The following RBFOX1 variants were observed in gnomAD, a reference collection of about 807,000 sequenced individuals.
RBFOX1 encodes RNA binding protein fox-1 homolog 1.
RBFOX1 carries 8 observed loss-of-function variants against 57.7 expected under a neutral mutation model. The observed-to-expected ratio is 0.14, with a 90% confidence interval of 0.08 to 0.25. The LOEUF (loss-of-function observed/expected upper bound fraction) is 0.25. Among genes scored for constraint, RBFOX1 ranks in the 10% least tolerant of loss-of-function variants. The probability of loss-of-function intolerance (pLI) is 1.00; values close to 1 mark genes in which losing one functional copy is unlikely to be tolerated. For missense variants in RBFOX1, 611 were observed against 548.5 expected, an observed-to-expected ratio of 1.11 and a Z score of -1.14; for synonymous variants, 326 against 222.4, an observed-to-expected ratio of 1.47 and a Z score of -4.15.
chr16:7,428,780 G>A (rs888342186), intron 4 of RBFOX1, among the ~76,000 whole-genome samples: 2 of 151,602 alleles, frequency 1.3e-5, no homozygotes, highest in African/African-American at 4.8e-5. Context: ...CTTTTATTTT[G>A]GCTTTGAGGG....
intron 1 of RBFOX1, among the ~76,000 whole-genome samples, chr16:6,104,560 G>A (rs532041014): frequency 1.5e-4 from 23 of 152,220 alleles, no homozygotes; most frequent in African/African-American, 5.5e-4. Context: ...AGCCCATCTT[G>A]CAGTCAATCT....
At chr16:5,901,357 G>A (rs1216598185) in intron 4 of RBFOX1, among the ~76,000 whole-genome samples, 1 of 152,140 alleles carries the variant, frequency 6.6e-6, no homozygotes, top group Non-Finnish European at 1.5e-5. Context: ...CTTGCACCCT[G>A]TAGCTGGCGA....
chr16:5,484,207 T>G (rs2151650856), intron 2 of RBFOX1, among the ~76,000 whole-genome samples: 1 of 152,328 alleles, frequency 6.6e-6, no homozygotes, highest in South Asian at 2.1e-4. Context: ...CAGCCAGAAC[T>G]TCAGTTAACT....
intron 2 of RBFOX1, among the ~76,000 whole-genome samples, chr16:6,329,858 A>T (rs2082798011): frequency 6.6e-6 from 1 of 152,198 alleles, no homozygotes; most frequent in African/African-American, 2.4e-5. Flanking sequence ...GAATCACTTG[A>T]ACCCAGGAGA....
At chr16:7,106,027 G>C (rs1466913830) in intron 4 of RBFOX1, among the ~76,000 whole-genome samples, 5 of 152,098 alleles carry the variant, frequency 3.3e-5, no homozygotes, top group African/African-American at 4.8e-5. Flanking sequence ...ACAACTCTCT[G>C]GTGTTCATGG....
intron 7 of RBFOX1, 133 bp downstream of exon 7, chr16:7,587,433 AC>A: frequency 1.0e-6 from 1 of 954,890 alleles, no homozygotes. Flanking sequence ...TTTAGAGACC[AC>A]CTTCCGTTTT....
Position 6,097,851 on chromosome 16 carries a change from T to C in RBFOX1, c.-127+77859T>C, listed in dbSNP as rs554173791. On this transcript the variant is annotated intron_variant, in intron 1 of 15. Coordinates refer to ENST00000550418, the MANE Select transcript of RBFOX1 (RefSeq NM_018723.4). This position sits in a 1 kb window ranked among gnomAD's most constrained non-coding sequence, Gnocchi z 5.0. ...TGGTGGAGTGGAAGTCCCTTGGAAG[T>C]GGGGGACGTGTCTGATTTGTGCATG... is the stretch of plus-strand genomic sequence containing the variant. Among the ~76,000 whole-genome samples the C allele has an allele frequency of 5.7e-4, 86 of 151,874 alleles. No homozygotes were observed. Among genetic ancestry groups the C allele is most frequent in the Non-Finnish European group, 1.1e-3 (75 of 68,010 alleles).
chr16:6,939,598 C>G (rs548390291), intron 3 of RBFOX1, among the ~76,000 whole-genome samples: 1 of 151,264 alleles, frequency 6.6e-6, no homozygotes, highest in Non-Finnish European at 1.5e-5. Context: ...TGCAACCTCT[C>G]CCTCCCAAGT....
At chr16:6,315,022 G>A (rs1599544693) in intron 1 of RBFOX1, among the ~76,000 whole-genome samples, 1 of 152,208 alleles carries the variant, frequency 6.6e-6, no homozygotes, top group East Asian at 1.9e-4. Flanking sequence ...AGGCACCAAG[G>A]GGACAGTTCC....
At chr16:7,613,466 G>A (rs1314384379) in intron 10 of RBFOX1, among the ~76,000 whole-genome samples, 1 of 152,114 alleles carries the variant, frequency 6.6e-6, no homozygotes, top group Non-Finnish European at 1.5e-5. Flanking sequence ...ATCCATTTCA[G>A]AAAGAACCTG....
chr16:6,543,016 C>G (rs6500793), intron 2 of RBFOX1, among the ~76,000 whole-genome samples: 69,314 of 151,910 alleles, frequency 0.46, 16,302 homozygotes, highest in Non-Finnish European at 0.51. Flanking sequence ...CTCACTCTCC[C>G]TCCCCAGGGC....
chr16:6,493,256 G>A (rs138011736), intron 2 of RBFOX1, among the ~76,000 whole-genome samples: 201 of 152,226 alleles, frequency 1.3e-3, no homozygotes, highest in African/African-American at 4.5e-3. Context: ...TTATGTTTTG[G>A]TTGAGGTTTG....
chr16:7,286,616 ATTTTTTTTTTTT>A (rs61621368), intron 4 of RBFOX1, among the ~76,000 whole-genome samples: 1 of 90,910 alleles, frequency 1.1e-5, no homozygotes, highest in African/African-American at 4.6e-5. Flanking sequence ...GGACTGGCTA[ATTTTTTTTTTTT>A]TTTTTTTTTT....
intron 3 of RBFOX1, among the ~76,000 whole-genome samples, chr16:7,028,607 CACAAAAAAAAAAA>C (rs1227045714): frequency 4.2e-5 from 2 of 47,900 alleles, no homozygotes; most frequent in African/African-American, 1.1e-4. Context: ...CACACACACA[CACAAAAAAAAAAA>C]AAAAAAAAAA....
intron 2 of RBFOX1, among the ~76,000 whole-genome samples, chr16:6,607,537 T>C (rs1236014861): frequency 6.7e-6 from 1 of 148,310 alleles, no homozygotes; most frequent in African/African-American, 2.5e-5. Context: ...CTCCTCTCCC[T>C]CTTTCTTCCT....
At chr16:7,210,921 A>G (rs1405930090) in intron 4 of RBFOX1, among the ~76,000 whole-genome samples, 1 of 151,768 alleles carries the variant, frequency 6.6e-6, no homozygotes, top group Non-Finnish European at 1.5e-5. Flanking sequence ...AAAAGAAAAA[A>G]AAATTTCAAG....
At chr16:6,814,475 C>G (rs551274499) in intron 3 of RBFOX1, among the ~76,000 whole-genome samples, 1 of 152,198 alleles carries the variant, frequency 6.6e-6, no homozygotes, top group South Asian at 2.1e-4. Context: ...TGGCTTCTAG[C>G]TTCATGGGGC....
intron 2 of RBFOX1, among the ~76,000 whole-genome samples, chr16:6,377,919 G>A (rs1489015282): frequency 6.6e-6 from 1 of 152,152 alleles, no homozygotes; most frequent in African/African-American, 2.4e-5. Context: ...TCCAAGAGGT[G>A]CTTCTCAAAG....
chr16:7,311,407 G>A (rs1404987653), intron 4 of RBFOX1, among the ~76,000 whole-genome samples: 1 of 150,718 alleles, frequency 6.6e-6, no homozygotes, highest in Non-Finnish European at 1.5e-5. Context: ...GCAACTGTAG[G>A]ATTTAAGTGA....
Sources: gnomAD v4.1 joint callset for allele counts (sites outside exome capture counted in the v4.1 genomes callset) on GRCh38, gnomAD v4.1.1 for gene constraint, Gnocchi (gnomAD v3.1) non-coding constraint, MANE v1.5 for transcripts, NCBI Gene and HGNC (gene_info 2026-07-23, HGNC 2026-07-21) for gene names.